The following IGFL2 variants were observed in gnomAD, a reference collection of about 807,000 sequenced individuals.
IGFL2 encodes IGF like family member 2, also known as insulin growth factor-like family member 2.
In IGFL2, 7 loss-of-function variants were observed where a neutral mutation model predicts 13.9. That is an observed-to-expected ratio of 0.51 (90% confidence interval 0.29 to 0.95). The LOEUF (loss-of-function observed/expected upper bound fraction) is 0.95, where lower values mean the gene tolerates loss of function less well. Among genes scored for constraint, IGFL2 ranks in the 40% least tolerant of loss-of-function variants. The pLI, the probability that IGFL2 is intolerant of heterozygous loss-of-function variation, is 0.08. For missense variants in IGFL2, 138 were observed against 147.8 expected, an observed-to-expected ratio of 0.93 and a Z score of 0.34; for synonymous variants, 55 against 55.8, an observed-to-expected ratio of 0.99 and a Z score of 0.07.
the IGFL2 span, among the ~76,000 whole-genome samples, chr19:46,172,910 C>T: frequency 6.6e-6 from 1 of 152,050 alleles, no homozygotes; most frequent in Non-Finnish European, 1.5e-5. Flanking sequence ...TTAACTGAGT[C>T]CTCTGCTTTT....
At chr19:46,146,773 C>G (rs6509255), upstream of IGFL2, among the ~76,000 whole-genome samples, 2 of 151,854 alleles carry the variant, frequency 1.3e-5, no homozygotes, top group African/African-American at 2.4e-5. Flanking sequence ...CAATTGACTT[C>G]TGTGTGTTTC....
At chr19:46,096,265 T>C in the IGFL2 span, among the ~76,000 whole-genome samples, 1 of 152,240 alleles carries the variant, frequency 6.6e-6, no homozygotes, top group East Asian at 1.9e-4. Flanking sequence ...TCTAGGTATT[T>C]TATTCTCTTT....
At chr19:46,124,277 C>T in the IGFL2 span, 1 of 1,610,724 alleles carries the variant, frequency 6.2e-7, no homozygotes. Context: ...CCTGTAGTTC[C>T]TTTTGAACAC....
At chr19:46,126,795 T>C in the IGFL2 span, among the ~76,000 whole-genome samples, 1 of 152,270 alleles carries the variant, frequency 6.6e-6, no homozygotes, top group East Asian at 1.9e-4. Flanking sequence ...AATTGAAGTG[T>C]CAAGAATATT....
the IGFL2 span, among the ~76,000 whole-genome samples, chr19:46,170,434 T>C: frequency 6.6e-6 from 1 of 152,240 alleles, no homozygotes; most frequent in Non-Finnish European, 1.5e-5. Context: ...CCTGTGATGA[T>C]TGCATTAACT....
chr19:46,182,930 C>T, the IGFL2 span, among the ~76,000 whole-genome samples: 1 of 152,142 alleles, frequency 6.6e-6, no homozygotes, highest in African/African-American at 2.4e-5. Flanking sequence ...CCCCTTTCTC[C>T]CTTTCTCCTC....
the IGFL2 span, chr19:46,204,944 T>C: frequency 2.3e-4 from 9 of 38,850 alleles, 1 homozygote; most frequent in Admixed American, 2.2e-3. Flanking sequence ...CACTCAGGTA[T>C]TTTTTTTTTT....
the IGFL2 span, chr19:46,214,323 C>T: frequency 7.2e-5 from 11 of 152,290 alleles, no homozygotes; most frequent in Admixed American, 2.6e-4. Context: ...ACAGGAATCC[C>T]GGGCTTCCCA....
At chr19:46,188,166 C>A in the IGFL2 span, among the ~76,000 whole-genome samples, 2 of 152,160 alleles carry the variant, frequency 1.3e-5, no homozygotes, top group Non-Finnish European at 2.9e-5. Flanking sequence ...CAGTTTCACC[C>A]TCCCCCAATA....
At chr19:46,153,834 TATA>T (rs1568427907) in intron 1 of IGFL2, among the ~76,000 whole-genome samples, 4 of 146,196 alleles carry the variant, frequency 2.7e-5, no homozygotes, top group African/African-American at 1.0e-4. Context: ...TATATATATA[TATA>T]TATTTTTTTT....
upstream of IGFL2, among the ~76,000 whole-genome samples, chr19:46,139,926 T>C (rs1276421315): frequency 6.6e-6 from 1 of 151,060 alleles, no homozygotes; most frequent in Non-Finnish European, 1.5e-5. Context: ...GATACACATA[T>C]ATTTCACGCA....
chr19:46,089,151 G>A, the IGFL2 span, among the ~76,000 whole-genome samples: 1 of 151,510 alleles, frequency 6.6e-6, no homozygotes. Context: ...ATCTACTATA[G>A]GTTTTTGGTT....
the IGFL2 span, chr19:46,123,808 A>AGGAGTTCCTCTTCAAGCCCTCTGT: frequency 4.1e-6 from 6 of 1,447,840 alleles, 1 homozygote; most frequent in Non-Finnish European, 5.6e-6. Context: ...CTCCACAAAC[A>AGGAGTTCCTCTTCAAGCCCTCTGT]GGAGTTCCTC....
chr19:46,114,479 A>G, the IGFL2 span, among the ~76,000 whole-genome samples: 2 of 152,120 alleles, frequency 1.3e-5, no homozygotes, highest in Admixed American at 6.6e-5. Context: ...GGCGAACTCC[A>G]TTTATTAAAG....
the IGFL2 span, among the ~76,000 whole-genome samples, chr19:46,100,214 T>G: frequency 6.6e-6 from 1 of 152,150 alleles, no homozygotes; most frequent in South Asian, 2.1e-4. Flanking sequence ...CTTTTCAGTT[T>G]TCAGCGTTTT....
chr19:46,188,766 C>G, the IGFL2 span, among the ~76,000 whole-genome samples: 2,098 of 152,320 alleles, frequency 0.014, 53 homozygotes, highest in African/African-American at 0.046. Flanking sequence ...CTCTGATGCC[C>G]ACATATTTCC....
the IGFL2 span, among the ~76,000 whole-genome samples, chr19:46,128,615 G>A: frequency 6.6e-6 from 1 of 152,090 alleles, no homozygotes; most frequent in African/African-American, 2.4e-5. Flanking sequence ...TGTGGTTTTT[G>A]TCTTTAGTTC....
chr19:46,081,126 C>T, the IGFL2 span, among the ~76,000 whole-genome samples: 4 of 152,200 alleles, frequency 2.6e-5, no homozygotes, highest in Non-Finnish European at 4.4e-5. Flanking sequence ...CTGGCTAAAC[C>T]AGGCCACACC....
the IGFL2 span, chr19:46,190,366 C>G: frequency 1.5e-4 from 23 of 152,344 alleles, no homozygotes; most frequent in African/African-American, 5.1e-4. Context: ...CATGTGGTCT[C>G]TCACCCTCCA....
Sources: gnomAD v4.1 joint callset for allele counts (sites outside exome capture counted in the v4.1 genomes callset) on GRCh38, gnomAD v4.1.1 for gene constraint, MANE v1.5 for transcripts, NCBI Gene and HGNC (gene_info 2026-07-23, HGNC 2026-07-21) for gene names.